Variants in ATOSA observed in about 807,000 individuals in gnomAD.
The protein encoded by ATOSA is atos homolog protein A.
chr15:52,626,654 C>G, the ATOSA span, among the ~76,000 whole-genome samples: 1 of 152,032 alleles, frequency 6.6e-6, no homozygotes, highest in Non-Finnish European at 1.5e-5. Flanking sequence ...CTTGCTCAGG[C>G]ATACACAGCA....
chr15:52,604,327 T>C, the ATOSA span, among the ~76,000 whole-genome samples: 7,664 of 152,298 alleles, frequency 0.05, 343 homozygotes, highest in East Asian at 0.25. Flanking sequence ...TTTTCTAAAA[T>C]AGAAGACTGA....
the ATOSA span, among the ~76,000 whole-genome samples, chr15:52,621,229 C>G: frequency 6.6e-6 from 1 of 152,070 alleles, no homozygotes; most frequent in Non-Finnish European, 1.5e-5. Context: ...TAAGTAAAAC[C>G]CTAATGTTTA....
chr15:52,604,143 C>T, the ATOSA span, among the ~76,000 whole-genome samples: 3 of 152,178 alleles, frequency 2.0e-5, no homozygotes, highest in South Asian at 4.1e-4. Context: ...AAAACATGGC[C>T]GGGCGCCGTG....
At chr15:52,670,628 G>C in the ATOSA span, among the ~76,000 whole-genome samples, 5 of 152,256 alleles carry the variant, frequency 3.3e-5, no homozygotes, top group African/African-American at 1.2e-4. Context: ...TGAATCTCTA[G>C]TTGGTATAAT....
the ATOSA span, chr15:52,657,104 CATAGAA>C: frequency 6.6e-6 from 1 of 152,112 alleles, no homozygotes; most frequent in Admixed American, 6.5e-5. Flanking sequence ...GAAACTGAAT[CATAGAA>C]ATTAAGGTAG....
At chr15:52,611,820 C>T in the ATOSA span, 2 of 1,574,210 alleles carry the variant, frequency 1.3e-6, no homozygotes, top group South Asian at 1.1e-5. Flanking sequence ...AAAAACCCAC[C>T]TAATTTTGTG....
the ATOSA span, among the ~76,000 whole-genome samples, chr15:52,616,759 T>C: frequency 6.6e-6 from 1 of 152,138 alleles, no homozygotes; most frequent in Non-Finnish European, 1.5e-5. Flanking sequence ...AGCTATGCAA[T>C]GACCATAGAC....
the ATOSA span, chr15:52,600,210 C>T: frequency 6.2e-7 from 1 of 1,609,722 alleles, no homozygotes; most frequent in Non-Finnish European, 8.5e-7. Context: ...TCTGGATCAT[C>T]TTCAATGTTT....
At chr15:52,676,517 GAAAA>G in the ATOSA span, among the ~76,000 whole-genome samples, 2 of 150,068 alleles carry the variant, frequency 1.3e-5, no homozygotes, top group Admixed American at 1.3e-4. Flanking sequence ...TTTAGTAAAA[GAAAA>G]AAAAAGCCAT....
At chr15:52,625,096 G>A in the ATOSA span, among the ~76,000 whole-genome samples, 7 of 151,982 alleles carry the variant, frequency 4.6e-5, no homozygotes, top group Non-Finnish European at 1.0e-4. Context: ...CCTGTTTTAA[G>A]TGAGAATTGT....
the ATOSA span, among the ~76,000 whole-genome samples, chr15:52,589,458 G>A: frequency 6.6e-6 from 1 of 151,970 alleles, no homozygotes; most frequent in African/African-American, 2.4e-5. Flanking sequence ...AACTGGTAAG[G>A]CAACTACTAC....
At chr15:52,705,530 GA>G in the ATOSA span, among the ~76,000 whole-genome samples, 5 of 104,554 alleles carry the variant, frequency 4.8e-5, no homozygotes, top group African/African-American at 2.0e-4. Flanking sequence ...TTCCCAGAAA[GA>G]AGAGAAAAAA....
the ATOSA span, among the ~76,000 whole-genome samples, chr15:52,707,252 C>G: frequency 1.3e-5 from 2 of 152,138 alleles, no homozygotes; most frequent in Non-Finnish European, 2.9e-5. Flanking sequence ...GTCTCATTGT[C>G]TTTCCGCAAA....
chr15:52,700,849 C>A, the ATOSA span, among the ~76,000 whole-genome samples: 1 of 152,112 alleles, frequency 6.6e-6, no homozygotes, highest in Non-Finnish European at 1.5e-5. Context: ...AAGACTTTAA[C>A]AAATGGAAAG....
At chr15:52,601,480 A>T in the ATOSA span, among the ~76,000 whole-genome samples, 1 of 150,860 alleles carries the variant, frequency 6.6e-6, no homozygotes, top group African/African-American at 2.4e-5. Context: ...GCTTTTTTGT[A>T]TACTTCTCTA....
At chr15:52,593,685 T>C in the ATOSA span, 1 of 1,559,006 alleles carries the variant, frequency 6.4e-7, no homozygotes, top group Non-Finnish European at 8.7e-7. Flanking sequence ...ACCTCGGCAG[T>C]AAAACCATCA....
the ATOSA span, among the ~76,000 whole-genome samples, chr15:52,632,524 G>C: frequency 6.6e-6 from 1 of 152,062 alleles, no homozygotes; most frequent in Non-Finnish European, 1.5e-5. Flanking sequence ...CTCTGGGAAA[G>C]GTGAAATAAT....
At chr15:52,653,037 A>C in the ATOSA span, among the ~76,000 whole-genome samples, 121 of 152,204 alleles carry the variant, frequency 7.9e-4, 1 homozygote, top group Non-Finnish European at 3.4e-4. Flanking sequence ...GGTGGTTCAA[A>C]CGTTTAAAGC....
the ATOSA span, among the ~76,000 whole-genome samples, chr15:52,595,945 T>G: frequency 6.6e-6 from 1 of 152,094 alleles, no homozygotes; most frequent in South Asian, 2.1e-4. Flanking sequence ...GCCCTATTTC[T>G]ACAAAAATTT....
Sources: gnomAD v4.1 joint callset for allele counts (sites outside exome capture counted in the v4.1 genomes callset) on GRCh38, gnomAD v4.1.1 for gene constraint, MANE v1.5 for transcripts, NCBI Gene and HGNC (gene_info 2026-07-23, HGNC 2026-07-21) for gene names.